CDH2: variants seen among roughly 807,000 people sequenced by gnomAD.
CDH2 encodes cadherin 2.
In CDH2, 17 loss-of-function variants were observed where a neutral mutation model predicts 92.0. That is an observed-to-expected ratio of 0.18 (90% CI 0.13 to 0.28). The LOEUF (loss-of-function observed/expected upper bound fraction) is 0.28, where lower values mean the gene tolerates loss of function less well. Ranked by LOEUF, CDH2 falls within the 10% of genes least tolerant of loss-of-function variation. The pLI is 1.00. For missense variants in CDH2, 862 were observed against 1,133.1 expected (o/e 0.76, Z 3.44); for synonymous variants, 419 against 415.9 (o/e 1.01, Z -0.09).
chr18:28,160,163 A>G (rs2016285054), intron 1 of CDH2, among the ~76,000 whole-genome samples: 1 of 130,216 alleles, frequency 7.7e-6, no homozygotes, highest in Admixed American at 7.0e-5. Flanking sequence ...GAAAAAAATA[A>G]AAAAAAAAAC....
chr18:28,099,897 T>C (rs2015198730), intron 2 of CDH2, among the ~76,000 whole-genome samples: 1 of 152,162 alleles, frequency 6.6e-6, no homozygotes. Flanking sequence ...TATTACTATA[T>C]TTCAGACAAA....
At chr18:28,054,221 T>C (rs2014248046) in intron 2 of CDH2, among the ~76,000 whole-genome samples, 1 of 152,116 alleles carries the variant, frequency 6.6e-6, no homozygotes, top group Non-Finnish European at 1.5e-5. Context: ...CCAGCCAATT[T>C]CATGCATAAG....
chr18:27,968,748 A>G (rs940094331), intron 14 of CDH2, among the ~76,000 whole-genome samples: 3 of 152,204 alleles, frequency 2.0e-5, no homozygotes, highest in African/African-American at 7.2e-5. Flanking sequence ...CCCCATATAG[A>G]TAAGGTAAAC....
At chr18:28,098,335 G>C (rs549975913) in intron 2 of CDH2, among the ~76,000 whole-genome samples, 1 of 113,604 alleles carries the variant, frequency 8.8e-6, no homozygotes, top group South Asian at 3.4e-4. Context: ...ATTTGCAGTA[G>C]TTATGATCCA....
rs533675258 is a variant in CDH2, at chr18:28,087,223, GT to G, written c.172+60449del. ...ATACAAAAGGCAGGATGAAAGACAA[GT>G]TTGATGCAAAACACACAAAGGGCTG... On this transcript the variant is annotated intron_variant, in intron 2 of 15. Transcript: ENST00000269141. Among the ~76,000 whole-genome samples the G allele has an allele frequency of 1.5e-3, 227 of 152,206 alleles. 2 individuals carry two copies. Among genetic ancestry groups the G allele is most frequent in the African/African-American group, 5.4e-3 (223 of 41,540 alleles).
intron 2 of CDH2, among the ~76,000 whole-genome samples, chr18:28,090,056 T>C (rs765445239): frequency 1.3e-5 from 2 of 152,238 alleles, no homozygotes; most frequent in Non-Finnish European, 2.9e-5. Flanking sequence ...ATGCCACAGA[T>C]GTCAAAGAAC....
At chr18:28,140,692 C>T (rs1339906517) in intron 2 of CDH2, among the ~76,000 whole-genome samples, 2 of 151,464 alleles carry the variant, frequency 1.3e-5, no homozygotes, top group African/African-American at 4.9e-5. Context: ...TTATAAGCTA[C>T]CCAATTTATG....
Position 28,078,881 on chromosome 18 carries a change from C to T in CDH2, c.173-64972G>A, listed in dbSNP as rs114354243. Reference sequence around the variant, plus strand: ...TCACATTTGGTTGAACAATCAAATTCGTGCTAACTTAGAAAGGGATTTTTC... The same window carrying T: ...TCACATTTGGTTGAACAATCAAATTTGTGCTAACTTAGAAAGGGATTTTTC... On this transcript the variant is annotated intron_variant, in intron 2 of 15. Coordinates refer to ENST00000269141, the MANE Select transcript of CDH2 (RefSeq NM_001792.5). 7.8e-3 allele frequency among the ~76,000 whole-genome samples: 1,185 copies of T among 152,094 alleles called. 14 individuals carry two copies. The highest frequency in any genetic ancestry group is 0.027 in the African/African-American group (1,125 of 41,388).
Position 28,177,073 on chromosome 18 carries a change from G to GGCGGAGGAGGAGGAGGCA in CDH2, c.-52_-51insTGCCTCCTCCTCCTCCGC. 7.2e-7 allele frequency: 1 copy of GGCGGAGGAGGAGGAGGCA among 1,380,762 alleles called. No homozygotes were observed. The highest frequency in any genetic ancestry group is 1.3e-5 in the South Asian group (1 of 76,496). 85.5% of individuals were successfully genotyped at this position (1,380,762 alleles called of 1,614,324 possible). On this transcript the variant is annotated 5_prime_UTR_variant, in exon 1 of 16. Coordinates refer to ENST00000269141, the MANE Select transcript of CDH2 (RefSeq NM_001792.5). ...AGCCGGAGGAGGCGGCGGCGGCGGCGGCGGCGGCGGAGGAGGAGGAGGCAG... is the reference window on the plus strand; with the variant it reads ...AGCCGGAGGAGGCGGCGGCGGCGGCGGCGGAGGAGGAGGAGGCAGCGGCGGCGGAGGAGGAGGAGGCAG...
At chr18:28,167,720 T>A (rs148310435) in intron 1 of CDH2, among the ~76,000 whole-genome samples, 12 of 152,262 alleles carry the variant, frequency 7.9e-5, no homozygotes, top group African/African-American at 2.6e-4. Context: ...CTTCTATGTA[T>A]ATTTTCCTGT....
At chr18:28,102,532 C>T (rs2015243916) in intron 2 of CDH2, among the ~76,000 whole-genome samples, 1 of 152,132 alleles carries the variant, frequency 6.6e-6, no homozygotes, top group Non-Finnish European at 1.5e-5. Context: ...ACTGACTATC[C>T]AGTAGTGACT....
At chr18:27,967,364 C>T (rs1217472368) in intron 14 of CDH2, among the ~76,000 whole-genome samples, 2 of 152,136 alleles carry the variant, frequency 1.3e-5, no homozygotes, top group African/African-American at 2.4e-5. Context: ...CCTAATTATA[C>T]ATCTTTACAA....
At chr18:28,062,037 T>C (rs1220654518) in intron 2 of CDH2, among the ~76,000 whole-genome samples, 2 of 152,176 alleles carry the variant, frequency 1.3e-5, no homozygotes, top group Non-Finnish European at 2.9e-5. Flanking sequence ...CTCATTCCTT[T>C]TGACAGCCAC....
chr18:28,133,311 T>C (rs865855864), intron 2 of CDH2, among the ~76,000 whole-genome samples: 1 of 152,042 alleles, frequency 6.6e-6, no homozygotes, highest in Admixed American at 6.5e-5. Flanking sequence ...CGGCCGGGCG[T>C]GATGGCTCAT....
chr18:28,017,964 G>A (rs2013299067), intron 2 of CDH2, among the ~76,000 whole-genome samples: 1 of 152,076 alleles, frequency 6.6e-6, no homozygotes, highest in Non-Finnish European at 1.5e-5. Flanking sequence ...TGATAAAGAG[G>A]AAGTCAAACT....
At chr18:28,062,736 G>A (rs537372076) in intron 2 of CDH2, among the ~76,000 whole-genome samples, 107 of 152,302 alleles carry the variant, frequency 7.0e-4, no homozygotes, top group Non-Finnish European at 1.1e-3. Flanking sequence ...CACTTTAGAA[G>A]TCCAAGGCGA....
chr18:28,166,178 GTA>G lies in CDH2; in HGVS notation c.60+10783_60+10784del, dbSNP rs1178399870. On this transcript the variant is annotated intron_variant, in intron 1 of 15. Transcript: ENST00000269141. ...TATATATATATATATATATATGTCT[GTA>G]TTTTAATTATGAAGAATCAAGACTT... 2.5e-4 allele frequency among the ~76,000 whole-genome samples: 4 copies of G among 16,098 alleles called. No individual in the cohort carries two copies. In the East Asian group the frequency reaches 8.8e-3, roughly 35 times the overall value. The allele number at this position is 16,098 out of a possible 152,430, so 10.6% of individuals were successfully genotyped here.
In CDH2 at chr18:27,992,668, A is replaced by G; in HGVS notation, c.1331T>C (p.Val444Ala). 6.2e-7 allele frequency: 1 copy of G among 1,612,556 alleles called. No individual in the cohort carries two copies. Among genetic ancestry groups the G allele is most frequent in the Non-Finnish European group, 8.5e-7 (1 of 1,179,114 alleles). Reference protein sequence around the residue: ...QTDPNSNDGLVTVVKPIDFET... With the variant: ...QTDPNSNDGLATVVKPIDFET... The stretch of plus-strand genomic sequence containing the variant: ...AGGAACACTTACTTTGACCACGGTG[A>G]CTAACCCGTCGTTGCTGTTTGGGTC... The change falls in exon 9 of 16, where the codon GTC becomes GCC. Residue 444 changes from valine (V) to alanine (A), a missense_variant. Transcript: ENST00000269141.
intron 2 of CDH2, among the ~76,000 whole-genome samples, chr18:28,044,701 T>C (rs540519900): frequency 6.6e-6 from 1 of 152,188 alleles, no homozygotes; most frequent in South Asian, 2.1e-4. Context: ...GGTTCAATGG[T>C]TCAATGATGG....
Sources: allele counts gnomAD v4.1 joint callset (sites outside exome capture counted in the v4.1 genomes callset), GRCh38; gene constraint gnomAD v4.1.1; transcripts MANE v1.5; gene names NCBI Gene and HGNC (gene_info 2026-07-23, HGNC 2026-07-21).